The following PHF21B variants were observed in gnomAD, a reference collection of about 807,000 sequenced individuals.
PHF21B encodes the protein PHD finger protein 4.
Under a neutral mutation model 62.2 loss-of-function variants are expected in PHF21B, and 22 were observed. The ratio of observed to expected loss-of-function variants is 0.35; its 90% CI spans 0.25 to 0.51. The LOEUF (loss-of-function observed/expected upper bound fraction) is 0.51, where lower values mean the gene tolerates loss of function less well. Among genes scored for constraint, PHF21B ranks in the 20% least tolerant of loss-of-function variants. PHF21B has a pLI of 0.97. For synonymous variants in PHF21B, 341 were observed against 314.7 expected (o/e 1.08, Z -0.88); for missense variants, 701 against 707.9 (o/e 0.99, Z 0.11).
At chr22:44,919,327 C>A (rs2071494473) in intron 3 of PHF21B, among the ~76,000 whole-genome samples, 1 of 152,250 alleles carries the variant, frequency 6.6e-6, no homozygotes, top group Non-Finnish European at 1.5e-5. Flanking sequence ...TGCGGCTCAA[C>A]ACAAATTCAA....
intron 2 of PHF21B, among the ~76,000 whole-genome samples, chr22:44,944,526 C>T (rs573518309): frequency 1.1e-4 from 17 of 152,282 alleles, no homozygotes; most frequent in African/African-American, 4.1e-4. Context: ...GGTATTTGGA[C>T]AAATTAGGAA....
intron 5 of PHF21B, among the ~76,000 whole-genome samples, chr22:44,909,343 G>C (rs1185329698): frequency 6.6e-6 from 1 of 152,242 alleles, no homozygotes; most frequent in Non-Finnish European, 1.5e-5. Context: ...AGAGAGGACA[G>C]AAGGGTCATC....
chr22:44,959,501 T>C (rs2072374180), intron 2 of PHF21B, among the ~76,000 whole-genome samples: 1 of 152,196 alleles, frequency 6.6e-6, no homozygotes, highest in African/African-American at 2.4e-5. Flanking sequence ...AGAAAAGTGT[T>C]TGTGCTCAGC....
chr22:44,982,267 T>C (rs1041148251), intron 2 of PHF21B, among the ~76,000 whole-genome samples: 5 of 152,208 alleles, frequency 3.3e-5, no homozygotes, highest in African/African-American at 9.7e-5. Context: ...AGTGAGTGAA[T>C]GACCCAGTAT....
At chr22:44,961,944 TA>T (rs1342963343) in intron 2 of PHF21B, among the ~76,000 whole-genome samples, 3 of 152,128 alleles carry the variant, frequency 2.0e-5, no homozygotes, top group Non-Finnish European at 4.4e-5. Flanking sequence ...GGCATTATTT[TA>T]TTTTTTTTAT....
chr22:44,944,516 G>C (rs553270978), intron 2 of PHF21B, among the ~76,000 whole-genome samples: 2 of 152,162 alleles, frequency 1.3e-5, no homozygotes, highest in African/African-American at 4.8e-5. Context: ...TTATTGCCTC[G>C]GTATTTGGAC....
chr22:44,957,950 T>C (rs1417503692), intron 2 of PHF21B, among the ~76,000 whole-genome samples: 1 of 151,478 alleles, frequency 6.6e-6, no homozygotes, highest in African/African-American at 2.4e-5. Flanking sequence ...TTGCCCAGGC[T>C]GGAGTGCAAT....
rs140395242 is a variant in PHF21B at position 44,883,296 on chromosome 22, C to T, written c.1386G>A (p.Leu462=). ...GGGCCAGCAGGCTTGTCTTCAACTC[C>T]AGGCATTTCTGTTGGGGAGAAGGTC... The part of the protein sequence containing the change: ...RRLASAVQKC[L]ELKTSLLARQ... Residue 462 remains leucine, a synonymous_variant, in exon 13 of 13, where the codon CTG becomes CTA. Transcript: ENST00000313237. The T allele has an allele frequency of 3.0e-4, 483 of 1,613,536 alleles. 3 individuals carry two copies. The African/African-American group carries it at 5.9e-3, about 20-fold the overall frequency.
chr22:44,987,782 CT>C (rs2072978205), intron 2 of PHF21B, among the ~76,000 whole-genome samples: 1 of 150,896 alleles, frequency 6.6e-6, no homozygotes, highest in Admixed American at 6.6e-5. Context: ...CTCTCTCTCT[CT>C]CTCTCCTCTC....
At chr22:44,963,005 G>A (rs1407198384) in intron 2 of PHF21B, among the ~76,000 whole-genome samples, 2 of 152,230 alleles carry the variant, frequency 1.3e-5, no homozygotes, top group Non-Finnish European at 2.9e-5. Flanking sequence ...GGCTCATCCG[G>A]TTCTTTCAAC....
At chr22:44,991,328 C>T (rs1019244899) in intron 2 of PHF21B, among the ~76,000 whole-genome samples, 2 of 152,168 alleles carry the variant, frequency 1.3e-5, no homozygotes, top group Non-Finnish European at 2.9e-5. Flanking sequence ...CTCACAGGTG[C>T]TGGGTCCGTG....
chr22:44,943,888 T>C (rs984418353), intron 2 of PHF21B, among the ~76,000 whole-genome samples: 8 of 152,158 alleles, frequency 5.3e-5, no homozygotes, highest in Non-Finnish European at 1.0e-4. Context: ...GAGTTCCTCC[T>C]AGCAACTGGG....
intron 2 of PHF21B, among the ~76,000 whole-genome samples, chr22:44,964,741 G>T (rs2072492156): frequency 6.6e-6 from 1 of 152,154 alleles, no homozygotes; most frequent in African/African-American, 2.4e-5. Context: ...TTTCTAGGAG[G>T]GATTTTAAAA....
At chr22:44,907,168 G>T (rs1454641443) in intron 5 of PHF21B, among the ~76,000 whole-genome samples, 1 of 152,224 alleles carries the variant, frequency 6.6e-6, no homozygotes, top group South Asian at 2.1e-4. Flanking sequence ...TCTGACAGTG[G>T]CCCCGCCCAC....
At chr22:44,979,102 TCCAG>T (rs2072790907) in intron 2 of PHF21B, among the ~76,000 whole-genome samples, 1 of 152,222 alleles carries the variant, frequency 6.6e-6, no homozygotes, top group African/African-American at 2.4e-5. Context: ...CTCAGGCAGC[TCCAG>T]CTGCAGCCCC....
At chr22:44,885,327 G>T in intron 12 of PHF21B, 99 bp downstream of exon 12, 2 of 1,168,618 alleles carry the variant, frequency 1.7e-6, no homozygotes, top group Non-Finnish European at 2.4e-6. Context: ...GGCCAGCCTG[G>T]ATCTACACCT....
At chr22:44,985,425 G>GT (rs563048535) in intron 2 of PHF21B, among the ~76,000 whole-genome samples, 121 of 152,134 alleles carry the variant, frequency 8.0e-4, no homozygotes, top group African/African-American at 2.7e-3. Context: ...CTAGGCAACA[G>GT]TGAGACCCTG....
chr22:44,901,311 G>A (rs540249262), intron 5 of PHF21B, among the ~76,000 whole-genome samples: 1 of 152,284 alleles, frequency 6.6e-6, no homozygotes, highest in East Asian at 1.9e-4. Flanking sequence ...CTGGGAATGT[G>A]GTGCCTCCAC....
chr22:44,982,208 C>T (rs1263797731), intron 2 of PHF21B, among the ~76,000 whole-genome samples: 3 of 152,206 alleles, frequency 2.0e-5, no homozygotes, highest in South Asian at 4.1e-4. Flanking sequence ...GTGTCCCTGC[C>T]GCCTCTGCTG....
Sources: gnomAD v4.1 joint callset for allele counts (sites outside exome capture counted in the v4.1 genomes callset) on GRCh38, gnomAD v4.1.1 for gene constraint, MANE v1.5 for transcripts, NCBI Gene and HGNC (gene_info 2026-07-23, HGNC 2026-07-21) for gene names.